The following PHKB variants were observed in gnomAD, a reference collection of about 807,000 sequenced individuals.
PHKB encodes phosphorylase kinase regulatory subunit beta, also known as phosphorylase b kinase regulatory subunit beta.
Under a neutral mutation model 152.1 loss-of-function variants are expected in PHKB, and 122 were observed. That is an observed-to-expected ratio of 0.80 (90% CI 0.69 to 0.93). The LOEUF (loss-of-function observed/expected upper bound fraction) is 0.93. PHKB is among the 40% of genes least tolerant of loss of function. The pLI is 0.00. For missense variants in PHKB, 1,304 were observed against 1,328.4 expected (o/e 0.98, Z 0.29); for synonymous variants, 436 against 464.9 (o/e 0.94, Z 0.80).
chr16:47,547,626 G>C, intron 7 of PHKB, 78 bp downstream of exon 7: 1 of 823,316 alleles, frequency 1.2e-6, no homozygotes, highest in East Asian at 2.6e-5. Context: ...TGAAGCATTA[G>C]ATTGGAACTG....
intron 11 of PHKB, among the ~76,000 whole-genome samples, chr16:47,593,814 A>G (rs754148853): frequency 6.6e-6 from 1 of 152,202 alleles, no homozygotes; most frequent in Non-Finnish European, 1.5e-5. Context: ...TTTTCTTCAT[A>G]TTTACAAAGA....
intron 14 of PHKB, among the ~76,000 whole-genome samples, chr16:47,618,704 T>C (rs1972565134): frequency 6.6e-6 from 1 of 152,212 alleles, no homozygotes; most frequent in South Asian, 2.1e-4. Flanking sequence ...AGAAAAACAG[T>C]GTCTGCTTTT....
At position 47,672,586 on chromosome 16, in the gene PHKB, A is replaced by G. The variant is rs145328267; in HGVS notation, c.2630+3169A>G. On this transcript the variant is annotated intron_variant, in intron 26 of 30. Transcript: ENST00000323584. Reference sequence around the variant, plus strand: ...TGACAGCCATCCTTGCAGAGGTTTCAACAAAGCCTTAGAGTGAAGGTAAAC... The same window carrying G: ...TGACAGCCATCCTTGCAGAGGTTTCGACAAAGCCTTAGAGTGAAGGTAAAC... 1.6e-3 allele frequency among the ~76,000 whole-genome samples: 237 copies of G among 152,268 alleles called. 1 individual carries two copies. The highest frequency in any genetic ancestry group is 5.3e-3 in the African/African-American group (220 of 41,572).
intron 27 of PHKB, 112 bp from the exon 28 acceptor site, chr16:47,693,266 G>C: frequency 9.7e-7 from 1 of 1,035,796 alleles, no homozygotes; most frequent in Non-Finnish European, 1.5e-6. Context: ...TCATTGATGG[G>C]CTTTGGCTTT....
At chr16:47,681,139 T>C (rs1275271129) in intron 26 of PHKB, among the ~76,000 whole-genome samples, 1 of 152,238 alleles carries the variant, frequency 6.6e-6, no homozygotes, top group East Asian at 1.9e-4. Flanking sequence ...GAGAAACAGT[T>C]TGTTACAATT....
chr16:47,658,859 T>G (rs1482220975), intron 20 of PHKB, among the ~76,000 whole-genome samples: 3 of 151,200 alleles, frequency 2.0e-5, no homozygotes, highest in African/African-American at 7.3e-5. Context: ...TGTAGCTTTT[T>G]TATTGTCTAT....
Position 47,689,116 on chromosome 16 carries a change from G to A in PHKB, c.2706G>A (p.Leu902=). ...AGCCAGCCTTGGACTTGTATCAGCT[G>A]TCACCTAGTGAAGTTAAACAGCTTC... is the stretch of plus-strand genomic sequence containing the variant. ...GDKPALDLYQ[L]SPSEVKQLLL... Residue 902 remains leucine, a synonymous_variant, in exon 27 of 31, where the codon CTG becomes CTA. Transcript: ENST00000323584. 1 of 1,614,046 alleles carries A rather than the reference G, an allele frequency of 6.2e-7. No individual in the cohort carries two copies. The highest frequency in any genetic ancestry group is 8.5e-7 in the Non-Finnish European group (1 of 1,179,966).
chr16:47,581,530 AACTAAG>A (rs202179330), intron 8 of PHKB, among the ~76,000 whole-genome samples: 1,889 of 152,314 alleles, frequency 0.012, 35 homozygotes, highest in African/African-American at 0.042. Context: ...ATGGCTATTT[AACTAAG>A]CCTCAGCTTC....
chr16:47,650,609 C>T lies in PHKB; in HGVS notation c.1863C>T (p.Ile621=), dbSNP rs1973219658. The change falls in exon 19 of 31, where the codon ATC becomes ATT. Residue 621 remains isoleucine, a synonymous_variant. Coordinates refer to ENST00000323584, the MANE Select transcript of PHKB (RefSeq NM_000293.3). ...MHGRPLFLVL[I]REDNIRGSRF... ...GACGTCCACTTTTCCTTGTTCTCAT[C>T]CGGGAAGACAATATAAGGTAGGTTG... is the stretch of plus-strand genomic sequence containing the variant. 2 of 1,606,818 alleles carry T rather than the reference C, an allele frequency of 1.2e-6. No homozygotes were observed. The highest frequency in any genetic ancestry group is 1.3e-5 in the African/African-American group (1 of 74,882).
chr16:47,650,840 G>A lies in PHKB; in HGVS notation c.1890G>A (p.Arg630=), dbSNP rs1376211341. 1.2e-6 allele frequency: 2 copies of A among 1,611,918 alleles called. No homozygotes were observed. Among genetic ancestry groups the A allele is most frequent in the East Asian group, 2.2e-5 (1 of 44,858 alleles). The change falls in exon 20 of 31, where the codon CGG becomes CGA. Residue 630 remains arginine (R), a synonymous_variant. Transcript: ENST00000323584. ...TATTTATATTTTTTAGAGGTAGCCG[G>A]TTCAACCCCATATTAGATATGCTGG... is the stretch of plus-strand genomic sequence containing the variant. ...LIREDNIRGS[R]FNPILDMLAA...
chr16:47,554,718 T>C (rs1352789828), intron 7 of PHKB, among the ~76,000 whole-genome samples: 2 of 152,270 alleles, frequency 1.3e-5, no homozygotes, highest in East Asian at 1.9e-4. Flanking sequence ...CTGGGCCAGA[T>C]TGTATCGTTC....
chr16:47,473,919 G>A (rs369677591), intron 1 of PHKB, among the ~76,000 whole-genome samples: 82 of 152,132 alleles, frequency 5.4e-4, no homozygotes, highest in African/African-American at 1.8e-3. Context: ...AATATATAAC[G>A]TTTTATGATT....
At position 47,461,569 on chromosome 16, in the gene PHKB, C is replaced by A. The variant is rs146775276; in HGVS notation, c.76+143C>A. ...CTTAGAAAGCAGGTGGCGGCCCTGG[C>A]CTTGTTTCTAATATCTTCCTCCACC... On this transcript the variant is annotated intron_variant, in intron 1 of 30. Transcript: ENST00000323584. The A allele has an allele frequency of 1.7e-3, 1,441 of 830,286 alleles. 6 individuals are homozygous for A. Among genetic ancestry groups the A allele is most frequent in the Middle Eastern group, 8.1e-3 (24 of 2,964 alleles). The allele number at this position is 830,286 out of a possible 1,614,324, so 51.4% of individuals were successfully genotyped here.
At chr16:47,512,870 A>T (rs2151650197) in intron 5 of PHKB, among the ~76,000 whole-genome samples, 1 of 152,194 alleles carries the variant, frequency 6.6e-6, no homozygotes. Flanking sequence ...AGTCCCTCTC[A>T]CTTTAGATAC....
At chr16:47,694,574 A>ACTT (rs1351996220) in intron 28 of PHKB, among the ~76,000 whole-genome samples, 1 of 152,148 alleles carries the variant, frequency 6.6e-6, no homozygotes, top group Non-Finnish European at 1.5e-5. Flanking sequence ...TGAATATATT[A>ACTT]CTTATTAAAA....
chr16:47,482,346 T>A (rs1237851073), intron 1 of PHKB, among the ~76,000 whole-genome samples: 1 of 152,230 alleles, frequency 6.6e-6, no homozygotes, highest in African/African-American at 2.4e-5. Context: ...GTACTGTCCT[T>A]CAGAAGTATA....
chr16:47,622,543 G>T (rs1972634851), intron 14 of PHKB, among the ~76,000 whole-genome samples: 1 of 152,110 alleles, frequency 6.6e-6, no homozygotes, highest in Non-Finnish European at 1.5e-5. Context: ...TTACTTTAAT[G>T]GCAGAATTAT....
intron 14 of PHKB, among the ~76,000 whole-genome samples, chr16:47,628,975 G>C (rs1201046042): frequency 6.6e-6 from 1 of 152,150 alleles, no homozygotes; most frequent in African/African-American, 2.4e-5. Flanking sequence ...GCCATATGTA[G>C]AAAGCTGAAA....
intron 14 of PHKB, among the ~76,000 whole-genome samples, chr16:47,622,768 A>G (rs1972639224): frequency 6.6e-6 from 1 of 152,182 alleles, no homozygotes; most frequent in South Asian, 2.1e-4. Context: ...CAAGTTTCCA[A>G]ATTGAGGATG....
Sources: gnomAD v4.1 joint callset for allele counts (sites outside exome capture counted in the v4.1 genomes callset) on GRCh38, gnomAD v4.1.1 for gene constraint, MANE v1.5 for transcripts, NCBI Gene and HGNC (gene_info 2026-07-23, HGNC 2026-07-21) for gene names.